CCSER1: variants seen among roughly 807,000 people sequenced by gnomAD.
CCSER1 encodes coiled-coil serine rich protein 1.
A neutral mutation model predicts 82.0 loss-of-function variants in CCSER1; 41 were observed. The observed-to-expected ratio is 0.50, with a 90% CI of 0.39 to 0.65. The LOEUF (loss-of-function observed/expected upper bound fraction) is 0.65. CCSER1 is among the 30% of genes least tolerant of loss of function. The pLI, the probability that CCSER1 is intolerant of heterozygous loss-of-function variation, is 0.00. For missense variants in CCSER1, 1,119 were observed against 1,064.2 expected (o/e 1.05, Z -0.72); for synonymous variants, 414 against 383.9 (o/e 1.08, Z -0.92).
intron 1 of CCSER1, among the ~76,000 whole-genome samples, chr4:90,285,699 A>C (rs912159319): frequency 6.6e-6 from 1 of 152,046 alleles, no homozygotes; most frequent in African/African-American, 2.4e-5. Flanking sequence ...TGATGAAAGC[A>C]TACATCCTTG....
At chr4:90,790,830 T>A (rs976592632) in intron 7 of CCSER1, among the ~76,000 whole-genome samples, 1 of 152,194 alleles carries the variant, frequency 6.6e-6, no homozygotes, top group Non-Finnish European at 1.5e-5. Context: ...CATTTTCCTG[T>A]CTTCTTCTGA....
chr4:90,940,286 CCCTTCCTTCCTTCTTT>C (rs1257590387), intron 9 of CCSER1, among the ~76,000 whole-genome samples: 1 of 151,640 alleles, frequency 6.6e-6, no homozygotes, highest in African/African-American at 2.4e-5. Flanking sequence ...CTCCCTTCCT[CCCTTCCTTCCTTCTTT>C]CCTTCCTTCC....
intron 10 of CCSER1, among the ~76,000 whole-genome samples, chr4:91,317,279 C>A (rs1457334443): frequency 2.0e-5 from 3 of 151,958 alleles, no homozygotes; most frequent in Non-Finnish European, 4.4e-5. Context: ...GCCAGACTGG[C>A]CTGTTTGCTA....
intron 5 of CCSER1, among the ~76,000 whole-genome samples, chr4:90,470,374 A>C (rs1277787900): frequency 6.6e-6 from 1 of 152,188 alleles, no homozygotes; most frequent in Non-Finnish European, 1.5e-5. Context: ...TTGAGAATTA[A>C]AAGATAGGTG....
chr4:90,879,543 AG>A (rs1720916721), intron 8 of CCSER1, among the ~76,000 whole-genome samples: 1 of 48,602 alleles, frequency 2.1e-5, no homozygotes, highest in African/African-American at 5.8e-5. Flanking sequence ...AGAAGAAGAA[AG>A]AAGAAGAAGA....
intron 9 of CCSER1, among the ~76,000 whole-genome samples, chr4:90,926,605 A>G (rs536594603): frequency 1.3e-5 from 2 of 152,192 alleles, no homozygotes; most frequent in East Asian, 1.9e-4. Context: ...GTCAGGAGAC[A>G]TGAAACTAAT....
chr4:90,980,433 T>A (rs1460976699), intron 9 of CCSER1, among the ~76,000 whole-genome samples: 1 of 151,786 alleles, frequency 6.6e-6, no homozygotes, highest in Non-Finnish European at 1.5e-5. Context: ...TCATAGACCT[T>A]CATGAAAGTA....
At chr4:90,491,184 C>T (rs1397765030) in intron 5 of CCSER1, among the ~76,000 whole-genome samples, 1 of 151,624 alleles carries the variant, frequency 6.6e-6, no homozygotes, top group African/African-American at 2.4e-5. Context: ...TTTGTGTCGT[C>T]TTGTTTCCTT....
chr4:91,544,881 T>G (rs1268705117), intron 10 of CCSER1, among the ~76,000 whole-genome samples: 2 of 152,168 alleles, frequency 1.3e-5, no homozygotes, highest in African/African-American at 4.8e-5. Context: ...GCTGCCTTTA[T>G]TTCAGCTATG....
chr4:91,127,556 A>G (rs940845379), intron 10 of CCSER1, among the ~76,000 whole-genome samples: 2 of 152,114 alleles, frequency 1.3e-5, no homozygotes, highest in South Asian at 4.1e-4. Flanking sequence ...GGAGATTTTG[A>G]GTGCCCTCAC....
chr4:91,150,042 G>A (rs1470442865), intron 10 of CCSER1, among the ~76,000 whole-genome samples: 1 of 152,038 alleles, frequency 6.6e-6, no homozygotes, highest in Non-Finnish European at 1.5e-5. Flanking sequence ...TGATGGGGAT[G>A]GCATTGAATC....
intron 4 of CCSER1, among the ~76,000 whole-genome samples, chr4:90,466,478 T>C (rs563337016): frequency 6.6e-6 from 1 of 152,302 alleles, no homozygotes; most frequent in South Asian, 2.1e-4. Flanking sequence ...TGGAAGTGGA[T>C]TATTCACACA....
chr4:90,736,701 A>G (rs1224433751), intron 7 of CCSER1, among the ~76,000 whole-genome samples: 5 of 151,896 alleles, frequency 3.3e-5, no homozygotes, highest in Admixed American at 3.3e-4. Flanking sequence ...TTTACATTCA[A>G]TGATATTATT....
intron 6 of CCSER1, among the ~76,000 whole-genome samples, chr4:90,697,990 G>A (rs968328080): frequency 6.6e-6 from 1 of 152,114 alleles, no homozygotes; most frequent in African/African-American, 2.4e-5. Flanking sequence ...GAAATCATTA[G>A]GGAAGTTTTC....
At chr4:91,475,941 A>G (rs1181618271) in intron 10 of CCSER1, among the ~76,000 whole-genome samples, 1 of 151,842 alleles carries the variant, frequency 6.6e-6, no homozygotes, top group Non-Finnish European at 1.5e-5. Flanking sequence ...AATATCCTCC[A>G]GTTCCATCCA....
chr4:91,472,625 T>TTGAGA (rs1388405948), intron 10 of CCSER1, among the ~76,000 whole-genome samples: 1 of 152,210 alleles, frequency 6.6e-6, no homozygotes. Context: ...CACTGATATC[T>TTGAGA]TGAGATTGTA....
intron 10 of CCSER1, among the ~76,000 whole-genome samples, chr4:91,175,725 C>A (rs1322826979): frequency 2.0e-5 from 3 of 152,060 alleles, no homozygotes; most frequent in African/African-American, 4.8e-5. Flanking sequence ...TGGATATTAG[C>A]CCTTTGTCAG....
At chr4:91,111,946 T>C (rs2148873629) in intron 10 of CCSER1, among the ~76,000 whole-genome samples, 1 of 152,046 alleles carries the variant, frequency 6.6e-6, no homozygotes, top group South Asian at 2.1e-4. Context: ...AAATTTTCTT[T>C]CTAACCTTGG....
At chr4:91,121,299 T>C (rs964261214) in intron 10 of CCSER1, among the ~76,000 whole-genome samples, 1 of 151,834 alleles carries the variant, frequency 6.6e-6, no homozygotes, top group African/African-American at 2.4e-5. Flanking sequence ...TGATTTATTT[T>C]TGTCCCTGAT....
Sources: gnomAD v4.1 joint callset for allele counts (sites outside exome capture counted in the v4.1 genomes callset) on GRCh38, gnomAD v4.1.1 for gene constraint, MANE v1.5 for transcripts, NCBI Gene and HGNC (gene_info 2026-07-23, HGNC 2026-07-21) for gene names.